Variants in PHF20L1 observed in about 807,000 individuals in gnomAD.
PHF20L1 encodes PHD finger protein 20-like protein 1.
Under a neutral mutation model 125.5 loss-of-function variants are expected in PHF20L1, and 44 were observed. That is an observed-to-expected ratio of 0.35 (90% CI 0.28 to 0.45). The LOEUF (loss-of-function observed/expected upper bound fraction) is 0.45, where lower values mean the gene tolerates loss of function less well. Ranked by LOEUF, PHF20L1 falls within the 20% of genes least tolerant of loss-of-function variation. PHF20L1 has a pLI of 1.00. For synonymous variants in PHF20L1, 380 were observed against 403.1 expected (o/e 0.94, Z 0.69); for missense variants, 1,012 against 1,217.2 (o/e 0.83, Z 2.51).
intron 6 of PHF20L1, among the ~76,000 whole-genome samples, chr8:132,801,912 T>C (rs1033462375): frequency 4.0e-5 from 6 of 151,630 alleles, no homozygotes; most frequent in African/African-American, 1.5e-4. Flanking sequence ...TTTTTAGTTT[T>C]TTTCTTTATT....
At chr8:132,790,758 G>A (rs1375679552) in intron 2 of PHF20L1, among the ~76,000 whole-genome samples, 5 of 152,294 alleles carry the variant, frequency 3.3e-5, no homozygotes, top group Admixed American at 3.3e-4. Context: ...GAGTAAATGA[G>A]TTATGCTCTG....
At chr8:132,820,469 A>G (rs1284384550) in intron 12 of PHF20L1, among the ~76,000 whole-genome samples, 1 of 151,890 alleles carries the variant, frequency 6.6e-6, no homozygotes, top group Non-Finnish European at 1.5e-5. Flanking sequence ...AGGGACACAA[A>G]GCTAATAACT....
chr8:132,785,356 G>A (rs1830896459), intron 2 of PHF20L1, among the ~76,000 whole-genome samples: 1 of 152,098 alleles, frequency 6.6e-6, no homozygotes, highest in South Asian at 2.1e-4. Context: ...AGAATGTTTT[G>A]CAATTCTAGT....
At chr8:132,788,508 A>G (rs748260241) in intron 2 of PHF20L1, among the ~76,000 whole-genome samples, 3 of 151,978 alleles carry the variant, frequency 2.0e-5, no homozygotes, top group Non-Finnish European at 2.9e-5. Context: ...GTGGATTGCA[A>G]CCTGTCATTG....
chr8:132,792,789 A>G (rs918057513), intron 2 of PHF20L1, among the ~76,000 whole-genome samples: 2 of 152,138 alleles, frequency 1.3e-5, no homozygotes, highest in Non-Finnish European at 1.5e-5. Flanking sequence ...TGCTATCTCA[A>G]GAAATGTTAA....
intron 14 of PHF20L1, among the ~76,000 whole-genome samples, chr8:132,827,091 CAG>C (rs760142278): frequency 6.6e-6 from 1 of 151,716 alleles, no homozygotes; most frequent in African/African-American, 2.4e-5. Context: ...AACGGCTTTC[CAG>C]AGAGTCTTGA....
intron 15 of PHF20L1, among the ~76,000 whole-genome samples, chr8:132,833,779 T>C (rs1837040786): frequency 6.6e-6 from 1 of 152,132 alleles, no homozygotes; most frequent in Non-Finnish European, 1.5e-5. Context: ...CTCTCTGTTC[T>C]TAGTCTCTGC....
chr8:132,790,151 G>C (rs1012779429), intron 2 of PHF20L1, among the ~76,000 whole-genome samples: 1 of 152,018 alleles, frequency 6.6e-6, no homozygotes, highest in African/African-American at 2.4e-5. Context: ...AATTCAATCA[G>C]AAAAATCTTA....
chr8:132,846,897 G>C lies in PHF20L1; in HGVS notation c.*974G>C, dbSNP rs561458945. On this transcript the variant is annotated 3_prime_UTR_variant, in exon 21 of 21. Transcript: ENST00000395386. ...GAGTGACAGAATATCAAAATAATTT[G>C]TGGCTGTGGATTTTTTTAACTGCTA... The C allele has an allele frequency of 6.6e-6, 1 of 152,428 alleles. No individual in the cohort carries two copies. The highest frequency in any genetic ancestry group is 1.9e-4 in the East Asian group (1 of 5,156). The allele number at this position is 152,428 out of a possible 1,614,324, so 9.4% of individuals were successfully genotyped here. A position where few individuals can be genotyped will look rare whatever the true frequency, so the allele number is the denominator to read the frequency against.
chr8:132,794,718 A>C lies in PHF20L1; in HGVS notation c.256-15A>C. 1 of 1,599,422 alleles carries C rather than the reference A, an allele frequency of 6.3e-7. No homozygotes were observed. The highest frequency in any genetic ancestry group is 8.6e-7 in the Non-Finnish European group (1 of 1,168,108). ...TAATATACATGGAATTGATCTTAAA[A>C]GTTGTTTAAAATAGGATTTTAAAGC... On this transcript the variant is annotated splice_polypyrimidine_tract_variant and intron_variant, in intron 3 of 20. Transcript: ENST00000395386.
rs1829590215 is a variant in PHF20L1 at position 132,775,658 on chromosome 8, G to A, written c.-38+13G>A. 3.0e-6 allele frequency: 1 copy of A among 337,346 alleles called. No individual in the cohort carries two copies. The highest frequency in any genetic ancestry group is 5.3e-6 in the Non-Finnish European group (1 of 186,976). The allele number at this position is 337,346 out of a possible 1,614,324, so 20.9% of individuals were successfully genotyped here. A position where few individuals can be genotyped will look rare whatever the true frequency, so the allele number is the denominator to read the frequency against. ...GGAGGCCGAGTCGGTAAGAGGCGGC[G>A]GCGGCTGAGCCGGCAGGCCGCCTGG... On this transcript the variant is annotated intron_variant, in intron 1 of 20. Coordinates refer to ENST00000395386, the MANE Select transcript of PHF20L1 (RefSeq NM_016018.5).
rs1563767371 is a variant in PHF20L1, at chr8:132,775,396, C to A, written c.-287C>A. ...GGGCCCGGCGTCGCGTCAGGGCTGG[C>A]CGGCGGCGGAGGCGGCGGCGGCGGC... On this transcript the variant is annotated 5_prime_UTR_variant, in exon 1 of 21. Coordinates refer to ENST00000395386, the MANE Select transcript of PHF20L1 (RefSeq NM_016018.5). The A allele has an allele frequency of 5.3e-6, 2 of 379,706 alleles. No homozygotes were observed. The highest frequency in any genetic ancestry group is 3.9e-5 in the East Asian group (1 of 25,550). The allele number at this position is 379,706 out of a possible 1,614,324, so 23.5% of individuals were successfully genotyped here. A position where few individuals can be genotyped will look rare whatever the true frequency, so the allele number is the denominator to read the frequency against.
chr8:132,826,032 T>G (rs191001107), intron 14 of PHF20L1: 1 of 152,200 alleles, frequency 6.6e-6, no homozygotes, highest in Non-Finnish European at 1.5e-5. Context: ...AAATTTATTT[T>G]AAATGATTTA....
chr8:132,831,708 G>A (rs1836799470), intron 14 of PHF20L1, among the ~76,000 whole-genome samples: 1 of 151,820 alleles, frequency 6.6e-6, no homozygotes, highest in Non-Finnish European at 1.5e-5. Flanking sequence ...AACCGAATAA[G>A]TTCTGGGGTA....
chr8:132,794,250 CAAT>C (rs1832127561), intron 2 of PHF20L1, among the ~76,000 whole-genome samples, 157 bp from the exon 3 acceptor site: 1 of 152,018 alleles, frequency 6.6e-6, no homozygotes. Context: ...TTTATAAAGA[CAAT>C]AAAGCAGAGT....
intron 19 of PHF20L1, chr8:132,843,558 A>G (rs1384657627): frequency 1.0e-6 from 1 of 984,768 alleles, no homozygotes; most frequent in Non-Finnish European, 1.2e-6. Flanking sequence ...TGTTTAATTA[A>G]TATCCCATGT....
chr8:132,817,199 T>C (rs1041217004), intron 11 of PHF20L1, 123 bp downstream of exon 11: 71 of 893,218 alleles, frequency 7.9e-5, no homozygotes, highest in African/African-American at 1.7e-5. Context: ...TATAAGCACT[T>C]CACTTATTCT....
chr8:132,775,737 G>T (rs1210449318), intron 1 of PHF20L1, 92 bp downstream of exon 1: 2 of 284,640 alleles, frequency 7.0e-6, no homozygotes, highest in African/African-American at 4.5e-5. Flanking sequence ...TTTCCGGCCC[G>T]CTCCCCTCCC....
intron 2 of PHF20L1, chr8:132,788,778 A>C (rs973698716): frequency 3.3e-5 from 5 of 152,092 alleles, no homozygotes; most frequent in Admixed American, 2.6e-4. Flanking sequence ...CTGCATGCCC[A>C]CCATTGCTTC....
Sources: allele counts gnomAD v4.1 joint callset (sites outside exome capture counted in the v4.1 genomes callset), GRCh38; gene constraint gnomAD v4.1.1; transcripts MANE v1.5; gene names NCBI Gene and HGNC (gene_info 2026-07-23, HGNC 2026-07-21).